Variants in VPS8 observed in about 807,000 individuals in gnomAD.
VPS8 encodes the protein vacuolar protein sorting-associated protein 8 homolog.
A neutral mutation model predicts 216.4 loss-of-function variants in VPS8; 129 were observed. The ratio of observed to expected loss-of-function variants is 0.60; its 90% CI spans 0.52 to 0.69. The LOEUF (loss-of-function observed/expected upper bound fraction) is 0.69, where lower values mean the gene tolerates loss of function less well. Among genes scored for constraint, VPS8 ranks in the 30% least tolerant of loss-of-function variants. The probability of loss-of-function intolerance (pLI) is 0.00; values close to 1 mark genes in which losing one functional copy is unlikely to be tolerated. For synonymous variants in VPS8, 571 were observed against 565.4 expected (o/e 1.01, Z -0.14); for missense variants, 1,531 against 1,683.5 (o/e 0.91, Z 1.59).
chr3:184,839,976 T>A, intron 7 of VPS8: 1 of 1,177,348 alleles, frequency 8.5e-7, no homozygotes, highest in Non-Finnish European at 1.1e-6. Context: ...TTATAAGCTA[T>A]CATATCTATT....
At position 184,919,511 on chromosome 3, in the gene VPS8, T is replaced by C. The variant is rs964253337; in HGVS notation, c.2383-616T>C. Among the ~76,000 whole-genome samples, 25 of 152,344 alleles carry C rather than the reference T, an allele frequency of 1.6e-4. 1 individual carries two copies. In the Middle Eastern group the frequency reaches 0.014, roughly 83 times the overall value. ...TGACAAACAGAATCTGGTATTGTAA[T>C]TTATTTTGATGCATGTTATGTTCAA... On this transcript the variant is annotated intron_variant, in intron 28 of 47. Coordinates refer to ENST00000625842, the MANE Select transcript of VPS8 (RefSeq NM_001009921.3).
chr3:184,870,302 G>A (rs2108775641), intron 20 of VPS8, among the ~76,000 whole-genome samples: 1 of 152,160 alleles, frequency 6.6e-6, no homozygotes. Context: ...CTTTTGTTGT[G>A]TAAATGCATT....
chr3:184,885,456 A>G (rs913824201), intron 21 of VPS8, among the ~76,000 whole-genome samples: 3 of 152,236 alleles, frequency 2.0e-5, no homozygotes, highest in Non-Finnish European at 4.4e-5. Context: ...GTGTGTGTAC[A>G]TGATGAATTT....
At chr3:184,857,511 C>T (rs1725483744) in intron 14 of VPS8, among the ~76,000 whole-genome samples, 1 of 152,200 alleles carries the variant, frequency 6.6e-6, no homozygotes, top group Non-Finnish European at 1.5e-5. Flanking sequence ...TTGAAAGTAT[C>T]ATCCCTTAAC....
chr3:185,039,678 T>G (rs1397797686), intron 46 of VPS8, among the ~76,000 whole-genome samples: 1 of 152,050 alleles, frequency 6.6e-6, no homozygotes, highest in African/African-American at 2.4e-5. Flanking sequence ...AGCAGGTGAT[T>G]AGTAGAAGAA....
At chr3:184,925,287 T>C (rs1011498282) in intron 30 of VPS8, among the ~76,000 whole-genome samples, 8 of 152,242 alleles carry the variant, frequency 5.3e-5, no homozygotes, top group African/African-American at 1.9e-4. Flanking sequence ...AAGACTATTA[T>C]GACCATCACC....
chr3:184,860,946 C>T lies in VPS8; in HGVS notation c.1224+881C>T, dbSNP rs879784833. On this transcript the variant is annotated intron_variant, in intron 15 of 47. Transcript: ENST00000625842. Reference sequence around the variant, plus strand: ...AAGCAATTCTCCTGCCTCAGCCTCCCGAGTAGCTGGGACTACAGGTGCCCC... The same window carrying T: ...AAGCAATTCTCCTGCCTCAGCCTCCTGAGTAGCTGGGACTACAGGTGCCCC... Among the ~76,000 whole-genome samples, 10 of 151,804 alleles carry T rather than the reference C, an allele frequency of 6.6e-5. No homozygotes were observed. In the East Asian group the frequency reaches 7.8e-4, roughly 12 times the overall value.
intron 3 of VPS8, among the ~76,000 whole-genome samples, chr3:184,827,903 G>A (rs1223807062): frequency 1.3e-5 from 2 of 152,106 alleles, no homozygotes; most frequent in African/African-American, 4.8e-5. Context: ...CAGGGAACCA[G>A]GCAAGTCGTA....
intron 46 of VPS8, among the ~76,000 whole-genome samples, chr3:185,041,323 C>T (rs985893272): frequency 6.6e-6 from 1 of 151,950 alleles, no homozygotes; most frequent in Non-Finnish European, 1.5e-5. Context: ...GTGGGTTTTG[C>T]GCTTGTTAAT....
intron 46 of VPS8, among the ~76,000 whole-genome samples, chr3:185,032,283 A>G (rs1758284659): frequency 6.6e-6 from 1 of 152,240 alleles, no homozygotes; most frequent in African/African-American, 2.4e-5. Context: ...GAATTTATGT[A>G]AAGAGAGACT....
At chr3:184,841,167 G>A (rs574118699) in intron 7 of VPS8, among the ~76,000 whole-genome samples, 40 of 152,098 alleles carry the variant, frequency 2.6e-4, no homozygotes, top group Non-Finnish European at 4.4e-4. Flanking sequence ...AACCTATATA[G>A]TTGATATATA....
intron 45 of VPS8, among the ~76,000 whole-genome samples, chr3:185,006,668 C>T (rs113984343): frequency 6.6e-6 from 1 of 152,016 alleles, no homozygotes; most frequent in Non-Finnish European, 1.5e-5. Context: ...TTTAAAAATC[C>T]GTCATCCCTG....
At chr3:184,861,983 G>A (rs1042658070) in intron 15 of VPS8, among the ~76,000 whole-genome samples, 1 of 152,196 alleles carries the variant, frequency 6.6e-6, no homozygotes, top group Admixed American at 6.5e-5. Context: ...ATTTTTTAGA[G>A]GAGGAGAGGG....
chr3:185,015,280 G>C (rs1435343126), intron 45 of VPS8, among the ~76,000 whole-genome samples: 1 of 152,222 alleles, frequency 6.6e-6, no homozygotes, highest in Non-Finnish European at 1.5e-5. Context: ...AGAGGTGTAT[G>C]AGCCCTAATG....
At chr3:184,879,654 G>A (rs958502867) in intron 21 of VPS8, among the ~76,000 whole-genome samples, 2 of 152,132 alleles carry the variant, frequency 1.3e-5, no homozygotes, top group Admixed American at 1.3e-4. Context: ...CTGAGCTTGG[G>A]CACCAGCTAC....
Position 185,052,128 on chromosome 3 carries a change from C to T in VPS8, c.*103C>T. On this transcript the variant is annotated 3_prime_UTR_variant, in exon 48 of 48. Transcript: ENST00000625842. ...TTGGCCTCCACCACCTCCCACGCTT[C>T]TGAGAAGAGGTTCCAAATTGGGCTT... 7.5e-7 allele frequency: 1 copy of T among 1,327,938 alleles called. No homozygotes were observed. The allele number at this position is 1,327,938 out of a possible 1,614,324, so 82.3% of individuals were successfully genotyped here.
Position 184,855,760 on chromosome 3 carries a change from A to G in VPS8, c.1085A>G (p.Gln362Arg). 2 of 1,613,818 alleles carry G rather than the reference A, an allele frequency of 1.2e-6. No individual in the cohort carries two copies. Among genetic ancestry groups the G allele is most frequent in the South Asian group, 1.1e-5 (1 of 91,042 alleles). Residue 362 changes from glutamine (Q) to arginine (R), a missense_variant, in exon 14 of 48, where the codon CAA (glutamine) becomes CGA (arginine). Physicochemically the swap from Gln to Arg is conservative, Grantham distance 43 (BLOSUM62 1). Around this residue, in one of 3 missense-constraint regions of VPS8, gnomAD observed 1,318 missense variants for 1,468.4 expected, o/e 0.90. Transcript: ENST00000625842. ...CTGGCCTGGCACTTTGTAGCAGTAC[A>G]AAATTACGTGAATCCCATGCTTGCC... ...PLLAWHFVAV[Q>R]NYVNPMLAFC...
intron 21 of VPS8, 64 bp from the exon 22 acceptor site, chr3:184,886,046 T>A: frequency 6.5e-7 from 1 of 1,538,192 alleles, no homozygotes; most frequent in South Asian, 1.2e-5. Context: ...AGCAGACCTG[T>A]CATTATCAGT....
intron 46 of VPS8, among the ~76,000 whole-genome samples, chr3:185,047,593 C>T (rs1713221484): frequency 6.6e-6 from 1 of 152,158 alleles, no homozygotes; most frequent in Non-Finnish European, 1.5e-5. Context: ...CTGAAATCAA[C>T]TTTTAACTAT....
Sources: gnomAD v4.1 joint callset for allele counts (sites outside exome capture counted in the v4.1 genomes callset) on GRCh38, gnomAD v4.1.1 for gene constraint, gnomAD v4.1.1 regional missense constraint, MANE v1.5 for transcripts, NCBI Gene and HGNC (gene_info 2026-07-23, HGNC 2026-07-21) for gene names.